Variants in SH3KBP1 observed in about 807,000 individuals in gnomAD.
SH3KBP1 encodes SH3 domain containing kinase binding protein 1.
A neutral mutation model predicts 50.1 loss-of-function variants in SH3KBP1; 8 were observed. That is an observed-to-expected ratio of 0.16 (90% CI 0.09 to 0.29). The LOEUF is 0.29. Ranked by LOEUF, SH3KBP1 falls within the 10% of genes least tolerant of loss-of-function variation. SH3KBP1 has a pLI of 1.00. For missense variants in SH3KBP1, 377 were observed against 535.2 expected (o/e 0.70, Z 2.92); for synonymous variants, 227 against 218.6 (o/e 1.04, Z -0.34).
rs1226146475 is a variant in SH3KBP1, at chrX:19,619,177, G to A, written c.898-11132C>T. 7.2e-5 allele frequency among the ~76,000 whole-genome samples: 8 copies of A among 111,594 alleles called. No homozygotes were observed. The East Asian group carries it at 2.0e-3, about 28-fold the overall frequency. On this transcript the variant is annotated intron_variant, in intron 8 of 17. Transcript: ENST00000397821. ...TGTAATCCCAGCTACTCGGGAGGCC[G>A]AGGCAGGAGAATTGCTTGAACCCAG...
At chrX:19,799,570 C>A (rs1256341115) in intron 2 of SH3KBP1, 1 of 1,109,214 alleles carries the variant, frequency 9.0e-7, no homozygotes, top group Non-Finnish European at 1.2e-6. Flanking sequence ...ACAAAGTAGT[C>A]GGGCAACAGG....
At chrX:19,770,705 A>ATT (rs764474915) in intron 2 of SH3KBP1, among the ~76,000 whole-genome samples, 1 of 96,860 alleles carries the variant, frequency 1.0e-5, no homozygotes, top group African/African-American at 3.8e-5. Context: ...CCAGCATGTT[A>ATT]TTTTTTTTTT....
intron 11 of SH3KBP1, 33 bp downstream of exon 11, chrX:19,592,034 T>A: frequency 9.1e-7 from 1 of 1,100,854 alleles, no homozygotes; most frequent in Non-Finnish European, 1.3e-6. Context: ...CTCCTGCTGT[T>A]CTGGAAGTGC....
intron 2 of SH3KBP1, among the ~76,000 whole-genome samples, chrX:19,798,852 G>A (rs1781113146): frequency 8.9e-6 from 1 of 112,333 alleles, no homozygotes; most frequent in African/African-American, 3.2e-5. Context: ...TGGCAACCAA[G>A]CACCAGGTGC....
rs185372964 is a variant in SH3KBP1, at chrX:19,700,291, T to C, written c.391-4550A>G. 9.8e-5 allele frequency among the ~76,000 whole-genome samples: 11 copies of C among 112,300 alleles called. No individual in the cohort carries two copies. The East Asian group carries it at 3.1e-3, about 31-fold the overall frequency. Reference sequence around the variant, plus strand: ...TGTAATACTGTTCCTTTCTCTTACTTGGGAAAGGTGTTTTGAGAATTTTTA... The same window carrying C: ...TGTAATACTGTTCCTTTCTCTTACTCGGGAAAGGTGTTTTGAGAATTTTTA... On this transcript the variant is annotated intron_variant, in intron 4 of 17. Transcript: ENST00000397821.
Position 19,608,399 on chromosome X carries a change from C to T in SH3KBP1, c.898-354G>A, listed in dbSNP as rs769294968. 1.9e-3 allele frequency among the ~76,000 whole-genome samples: 202 copies of T among 105,810 alleles called. 1 individual carries two copies. The highest frequency in any genetic ancestry group is 6.4e-3 in the African/African-American group (184 of 28,652). 91.9% of individuals were successfully genotyped at this position (105,810 alleles called of 115,157 possible). On this transcript the variant is annotated intron_variant, in intron 8 of 17. Transcript: ENST00000397821. ...TCTCGGCTCACTGCAACCTCCGCCTCCTGGGTTGAAGCGATTCCTCCATCT... is the reference window on the plus strand; with the variant it reads ...TCTCGGCTCACTGCAACCTCCGCCTTCTGGGTTGAAGCGATTCCTCCATCT...
intron 13 of SH3KBP1, among the ~76,000 whole-genome samples, chrX:19,553,881 AATATATATTATATATT>A (rs1339372543): frequency 1.2e-5 from 1 of 82,715 alleles, no homozygotes; most frequent in Non-Finnish European, 2.2e-5. Flanking sequence ...GTTAATATAT[AATATATATTATATATT>A]ATATATATAA....
chrX:19,536,390 TA>T lies in SH3KBP1; in HGVS notation c.*26del. On this transcript the variant is annotated 3_prime_UTR_variant, in exon 18 of 18. Coordinates refer to ENST00000397821, the MANE Select transcript of SH3KBP1 (RefSeq NM_031892.3). The stretch of plus-strand genomic sequence containing the variant: ...ATTTGAGTCTCGGACTCAGGATGAA[TA>T]ATGTGACATTTCATTGATCAAGTAT... The T allele has an allele frequency of 9.4e-7, 1 of 1,062,080 alleles. No individual in the cohort carries two copies. Among genetic ancestry groups the T allele is most frequent in the Non-Finnish European group, 1.3e-6 (1 of 771,458 alleles). The allele number at this position is 1,062,080 out of a possible 1,213,427, so 87.5% of individuals were successfully genotyped here. A position where few individuals can be genotyped will look rare whatever the true frequency, so the allele number is the denominator to read the frequency against.
chrX:19,598,535 C>T (rs2066980781), intron 9 of SH3KBP1, among the ~76,000 whole-genome samples: 1 of 112,046 alleles, frequency 8.9e-6, no homozygotes, highest in South Asian at 3.6e-4. Flanking sequence ...CAGCTTTCAA[C>T]ATGCCTTCTT....
intron 12 of SH3KBP1, among the ~76,000 whole-genome samples, chrX:19,581,853 TAAAAAAA>T (rs35059308): frequency 2.6e-5 from 2 of 75,642 alleles, no homozygotes; most frequent in Non-Finnish European, 5.2e-5. Flanking sequence ...ACTACAGGTT[TAAAAAAA>T]AAAAAAAAAA....
chrX:19,829,298 G>T lies in SH3KBP1; in HGVS notation c.162+6827C>A, dbSNP rs4394576. ...TGTTGTGCACCAGTCATATATAAAA[G>T]AACATATATTGTATGACTCCATTTA... On this transcript the variant is annotated intron_variant, in intron 2 of 17. Transcript: ENST00000397821. Among the ~76,000 whole-genome samples, 305 of 111,717 alleles carry T rather than the reference G, an allele frequency of 2.7e-3. 2 individuals carry two copies. The highest frequency in any genetic ancestry group is 9.4e-3 in the African/African-American group (288 of 30,793).
intron 6 of SH3KBP1, among the ~76,000 whole-genome samples, chrX:19,647,364 C>T (rs746886155): frequency 2.7e-5 from 3 of 111,011 alleles, no homozygotes; most frequent in Non-Finnish European, 5.7e-5. Context: ...ATTTTTACAA[C>T]TTCCCCTTCT....
chrX:19,823,356 C>T (rs980619935), intron 2 of SH3KBP1, among the ~76,000 whole-genome samples: 5 of 112,304 alleles, frequency 4.5e-5, no homozygotes, highest in Non-Finnish European at 7.5e-5. Context: ...TTTTATCTGG[C>T]GGCTTGGAAG....
intron 3 of SH3KBP1, among the ~76,000 whole-genome samples, chrX:19,731,869 A>C (rs2064388635): frequency 8.9e-6 from 1 of 112,078 alleles, no homozygotes; most frequent in Non-Finnish European, 1.9e-5. Flanking sequence ...CGGAAGAATA[A>C]AAATGCATTA....
At chrX:19,580,529 T>C (rs1602543337) in intron 12 of SH3KBP1, among the ~76,000 whole-genome samples, 1 of 111,671 alleles carries the variant, frequency 9.0e-6, no homozygotes, top group South Asian at 3.7e-4. Flanking sequence ...GCAGTGGTTC[T>C]CACAATGTGG....
At chrX:19,632,788 G>A (rs923102436) in intron 7 of SH3KBP1, among the ~76,000 whole-genome samples, 1 of 112,510 alleles carries the variant, frequency 8.9e-6, no homozygotes, top group African/African-American at 3.2e-5. Context: ...TTTGTATTTC[G>A]GAAATGGAGA....
intron 2 of SH3KBP1, among the ~76,000 whole-genome samples, chrX:19,798,542 T>A (rs902898391): frequency 6.3e-5 from 7 of 111,761 alleles, no homozygotes; most frequent in Admixed American, 5.7e-4. Flanking sequence ...TCAGTTCCCA[T>A]CATCTTTAAC....
At chrX:19,769,309 G>T (rs2065715854) in intron 2 of SH3KBP1, among the ~76,000 whole-genome samples, 2 of 107,466 alleles carry the variant, frequency 1.9e-5, no homozygotes, top group South Asian at 8.2e-4. Context: ...TCGCCAAGTT[G>T]CCCAGGCTGG....
chrX:19,810,239 T>G (rs1011369455), intron 2 of SH3KBP1, among the ~76,000 whole-genome samples: 3 of 112,397 alleles, frequency 2.7e-5, no homozygotes, highest in Non-Finnish European at 5.6e-5. Context: ...TACATTCTCA[T>G]TAGCAAAGCG....
Sources: allele counts gnomAD v4.1 joint callset (sites outside exome capture counted in the v4.1 genomes callset), GRCh38; gene constraint gnomAD v4.1.1; transcripts MANE v1.5; gene names NCBI Gene and HGNC (gene_info 2026-07-23, HGNC 2026-07-21).